Variants in FNDC8 observed in about 807,000 individuals in gnomAD.
FNDC8 encodes the protein fibronectin type III domain-containing protein 8.
Under a neutral mutation model 24.8 loss-of-function variants are expected in FNDC8, and 23 were observed. That is an observed-to-expected ratio of 0.93 (90% confidence interval 0.67 to 1.31). The LOEUF (loss-of-function observed/expected upper bound fraction) is 1.31, where lower values mean the gene tolerates loss of function less well. FNDC8 is among the 40% of genes most tolerant of loss of function. The pLI is 0.00. For missense variants in FNDC8, 371 were observed against 398.2 expected (o/e 0.93, Z 0.58); for synonymous variants, 158 against 165.3 (o/e 0.96, Z 0.34).
rs2091870438 is a variant in FNDC8 at position 35,130,496 on chromosome 17, C to A, written c.*62C>A. ...GCTTCAACCCCAGGCCCTCAGAAAC[C>A]AGAGCCATGAGACCTACCATACCAC... On this transcript the variant is annotated 3_prime_UTR_variant, in exon 4 of 4. Coordinates refer to ENST00000158009, the MANE Select transcript of FNDC8 (RefSeq NM_017559.4). 1.3e-6 allele frequency: 2 copies of A among 1,551,038 alleles called. No homozygotes were observed. The highest frequency in any genetic ancestry group is 1.4e-5 in the African/African-American group (1 of 73,780).
chr17:35,130,640 G>A lies in FNDC8; in HGVS notation c.*206G>A. The A allele has an allele frequency of 1.8e-6, 1 of 570,746 alleles. No homozygotes were observed. The highest frequency in any genetic ancestry group is 2.2e-5 in the South Asian group (1 of 45,190). 35.4% of individuals were successfully genotyped at this position (570,746 alleles called of 1,614,324 possible). On this transcript the variant is annotated 3_prime_UTR_variant, in exon 4 of 4. Transcript: ENST00000158009. ...GGCATCTCAGGCCAGGCCATGCCAGGCTCAGCCACTGCCCACAGCTGCTAG... is the reference window on the plus strand; with the variant it reads ...GGCATCTCAGGCCAGGCCATGCCAGACTCAGCCACTGCCCACAGCTGCTAG...
chr17:35,130,178 A>G (rs2091867765), intron 3 of FNDC8, 104 bp from the exon 4 acceptor site: 1 of 1,502,334 alleles, frequency 6.7e-7, no homozygotes, highest in Non-Finnish European at 8.9e-7. Context: ...AGGCTGTTTA[A>G]GGTCTGAGTC....
chr17:35,130,372 G>A lies in FNDC8; in HGVS notation c.913G>A (p.Val305Met), dbSNP rs751094213. The A allele has an allele frequency of 1.5e-5, 25 of 1,614,116 alleles. No individual in the cohort carries two copies. The highest frequency in any genetic ancestry group is 4.5e-5 in the East Asian group (2 of 44,876). The change falls in exon 4 of 4, where the codon GTG becomes ATG. Residue 305 changes from valine to methionine, a missense_variant. Physicochemically the swap from Val to Met is conservative, Grantham distance 21. Transcript: ENST00000158009. ...GCGCAAGGAACCCCGGCAAAAGATC[G>A]TGTCCATCGGGCCGGAGGAGATGCG... ...VRRKEPRQKI[V>M]SIGPEEMRRL...
chr17:35,126,332 T>G (rs1413888279), intron 1 of FNDC8, among the ~76,000 whole-genome samples: 1 of 152,160 alleles, frequency 6.6e-6, no homozygotes, highest in Admixed American at 6.6e-5. Context: ...ATTTAAACAA[T>G]AGTAAATAAA....
intron 1 of FNDC8, among the ~76,000 whole-genome samples, chr17:35,126,497 C>CTTT (rs71147459): frequency 2.5e-4 from 28 of 112,002 alleles, no homozygotes; most frequent in Non-Finnish European, 4.5e-4. Context: ...ATTTTCTAAG[C>CTTT]TTTTTTTTTT....
In FNDC8 at chr17:35,127,178, G is replaced by A. The variant is rs1223781170; in HGVS notation, c.346G>A (p.Gly116Arg). 14 of 1,614,190 alleles carry A rather than the reference G, an allele frequency of 8.7e-6. No homozygotes were observed. In the East Asian group the frequency reaches 1.8e-4, roughly 21 times the overall value. ...CAGCTTCTTTGCAGGGATGCTGGAG[G>A]GGGAGCTGAACAAACTCAGCTTCTC... The part of the protein sequence containing the change: ...NSSFFAGMLE[G>R]ELNKLSFSPM... The change falls in exon 2 of 4, where the codon GGG becomes AGG. Residue 116 changes from glycine to arginine, a missense_variant. Transcript: ENST00000158009.
rs373239683 is a variant in FNDC8, at chr17:35,127,426, C to T, written c.585+9C>T. 74 of 1,533,366 alleles carry T rather than the reference C, an allele frequency of 4.8e-5. No homozygotes were observed. The African/African-American group carries it at 9.7e-4, about 20-fold the overall frequency. 95.0% of individuals were successfully genotyped at this position (1,533,366 alleles called of 1,614,324 possible). A position where few individuals can be genotyped will look rare whatever the true frequency, so the allele number is the denominator to read the frequency against. On this transcript the variant is annotated intron_variant, in intron 2 of 3. Coordinates refer to ENST00000158009, the MANE Select transcript of FNDC8 (RefSeq NM_017559.4). ...ACAATTCCACAGCTGTGGTGCGTTTCCCTTGCTCATGCGTTCAGCAGAGGC... is the reference window on the plus strand; with the variant it reads ...ACAATTCCACAGCTGTGGTGCGTTTTCCTTGCTCATGCGTTCAGCAGAGGC...
chr17:35,125,837 T>C (rs1328915726), intron 1 of FNDC8, among the ~76,000 whole-genome samples: 1 of 152,222 alleles, frequency 6.6e-6, no homozygotes, highest in Non-Finnish European at 1.5e-5. Context: ...GATATTTTTG[T>C]ATAAGTCTAA....
At chr17:35,129,953 TA>T (rs2091866425) in intron 3 of FNDC8, 1 of 1,368,688 alleles carries the variant, frequency 7.3e-7, no homozygotes, top group East Asian at 2.8e-5. Flanking sequence ...TGATTGTGAG[TA>T]GGCTGGGAAG....
At chr17:35,125,712 G>A (rs370005018) in intron 1 of FNDC8, among the ~76,000 whole-genome samples, 2 of 152,170 alleles carry the variant, frequency 1.3e-5, no homozygotes, top group Admixed American at 6.5e-5. Context: ...CTTGTCGGTC[G>A]AAGGATGGGG....
At chr17:35,129,391 G>A (rs2091862496) in intron 2 of FNDC8, 31 bp from the exon 3 acceptor site, 1 of 1,607,146 alleles carries the variant, frequency 6.2e-7, no homozygotes, top group Non-Finnish European at 8.5e-7. Context: ...GGACATATCT[G>A]AGGAAGCCTC....
Position 35,130,533 on chromosome 17 carries a change from G to A in FNDC8, c.*99G>A, listed in dbSNP as rs879838588. Reference sequence around the variant, plus strand: ...ACCTACCATACCACCAGCACCCTGCGGGCCCGGGGTCTGGCAGAGTGGTAT... The same window carrying A: ...ACCTACCATACCACCAGCACCCTGCAGGCCCGGGGTCTGGCAGAGTGGTAT... On this transcript the variant is annotated 3_prime_UTR_variant, in exon 4 of 4. Transcript: ENST00000158009. The A allele has an allele frequency of 7.4e-5, 97 of 1,313,454 alleles. No homozygotes were observed. In the Middle Eastern group the frequency reaches 1.3e-3, roughly 17 times the overall value. 81.4% of individuals were successfully genotyped at this position (1,313,454 alleles called of 1,614,324 possible).
chr17:35,126,642 A>T (rs749998504), intron 1 of FNDC8, among the ~76,000 whole-genome samples: 4 of 151,716 alleles, frequency 2.6e-5, no homozygotes, highest in Non-Finnish European at 5.9e-5. Context: ...AGCTAGGATT[A>T]CAGGTGCCAA....
intron 1 of FNDC8, among the ~76,000 whole-genome samples, chr17:35,124,761 TG>T (rs1279787960): frequency 6.6e-6 from 1 of 151,524 alleles, no homozygotes; most frequent in Non-Finnish European, 1.5e-5. Context: ...TATTGTTTTT[TG>T]TTTGGCTGGG....
rs896182981 is a variant in FNDC8 at position 35,127,144 on chromosome 17, G to T, written c.312G>T (p.Gln104His). The T allele has an allele frequency of 2.0e-5, 33 of 1,614,082 alleles. No individual in the cohort carries two copies. Among genetic ancestry groups the T allele is most frequent in the Non-Finnish European group, 2.7e-5 (32 of 1,180,044 alleles). The change falls in exon 2 of 4, where the codon CAG becomes CAT. Residue 104 changes from glutamine to histidine, a missense_variant. Transcript: ENST00000158009. ...ACCCCATCAAATTAGCTGTGACCCA[G>T]CCCAACAGCAGCTTCTTTGCAGGGA... is the stretch of plus-strand genomic sequence containing the variant. ...LLNPIKLAVTQPNSSFFAGML... is the reference protein window; with the variant it reads ...LLNPIKLAVTHPNSSFFAGML...
intron 1 of FNDC8, among the ~76,000 whole-genome samples, chr17:35,122,187 T>A (rs1567738466): frequency 1.7e-4 from 4 of 23,848 alleles, no homozygotes; most frequent in East Asian, 1.6e-3. Flanking sequence ...TATATATATA[T>A]ATATATATAT....
In FNDC8 at chr17:35,130,380, CG is replaced by C. The variant is rs1285260087; in HGVS notation, c.924del (p.Pro309ArgfsTer105). On this transcript the variant is annotated frameshift_variant, in exon 4 of 4. Transcript: ENST00000158009. LOFTEE classifies it high-confidence loss of function. ...KEPRQKIVSI[G>X]PEEMRRLEDL... ...AACCCCGGCAAAAGATCGTGTCCAT[CG>C]GGCCGGAGGAGATGCGGAGGCTGGA... 1 of 1,613,974 alleles carries C rather than the reference CG, an allele frequency of 6.2e-7. No homozygotes were observed. The highest frequency in any genetic ancestry group is 8.5e-7 in the Non-Finnish European group (1 of 1,180,008).
chr17:35,126,844 G>C (rs1276039929), intron 1 of FNDC8, among the ~76,000 whole-genome samples, 198 bp from the exon 2 acceptor site: 1 of 152,210 alleles, frequency 6.6e-6, no homozygotes. Context: ...ATGCTAACTG[G>C]GGACCAGGGA....
chr17:35,129,495 C>A lies in FNDC8; in HGVS notation c.659C>A (p.Thr220Lys). ...CTCCTGTTACAGGAGGTGGCCAAGA[C>A]ACAGGAGAATGAGTTGCCCGAGGCA... ...YQLLLQEVAKTQENELPEAKN... is the reference protein window; with the variant it reads ...YQLLLQEVAKKQENELPEAKN... The change falls in exon 3 of 4, where the codon ACA (threonine) becomes AAA (lysine). Residue 220 changes from threonine (T) to lysine (K), a missense_variant. Transcript: ENST00000158009. The A allele has an allele frequency of 6.2e-7, 1 of 1,614,220 alleles. No individual in the cohort carries two copies. Among genetic ancestry groups the A allele is most frequent in the Non-Finnish European group, 8.5e-7 (1 of 1,180,038 alleles).
Sources: gnomAD v4.1 joint callset for allele counts (sites outside exome capture counted in the v4.1 genomes callset) on GRCh38, gnomAD v4.1.1 for gene constraint, MANE v1.5 for transcripts, NCBI Gene and HGNC (gene_info 2026-07-23, HGNC 2026-07-21) for gene names.